The following CAMK1D variants were observed in gnomAD, a reference collection of about 807,000 sequenced individuals.
CAMK1D encodes calcium/calmodulin dependent protein kinase ID.
In CAMK1D, 9 loss-of-function variants were observed where a neutral mutation model predicts 47.7. That is an observed-to-expected ratio of 0.19 (90% CI 0.11 to 0.33). The LOEUF (loss-of-function observed/expected upper bound fraction) is 0.33. Ranked by LOEUF, CAMK1D falls within the 10% of genes least tolerant of loss-of-function variation. The probability of loss-of-function intolerance (pLI) is 1.00; values close to 1 mark genes in which losing one functional copy is unlikely to be tolerated. For synonymous variants in CAMK1D, 184 were observed against 184.9 expected (o/e 0.99, Z 0.04); for missense variants, 291 against 488.7 (o/e 0.60, Z 3.81).
rs546303992 is a variant in CAMK1D, at chr10:12,438,537, A to G, written c.92+88627A>G. Among the ~76,000 whole-genome samples the G allele has an allele frequency of 1.2e-4, 18 of 152,330 alleles. No individual in the cohort carries two copies. The East Asian group carries it at 3.5e-3, about 29-fold the overall frequency. On this transcript the variant is annotated intron_variant, in intron 1 of 10. Coordinates refer to ENST00000619168, the MANE Select transcript of CAMK1D (RefSeq NM_153498.4). ...AATTCCTGGACATATCTTTCTTTAA[A>G]AAAATTTTTTTGAGGTCACATTCTT... is the stretch of plus-strand genomic sequence containing the variant.
At chr10:12,474,800 A>C (rs1345131894) in intron 1 of CAMK1D, among the ~76,000 whole-genome samples, 1 of 151,448 alleles carries the variant, frequency 6.6e-6, no homozygotes, top group African/African-American at 2.4e-5. Context: ...CAAGGTGTCC[A>C]TGTGTTCTCA....
chr10:12,587,589 A>C (rs988237602), intron 2 of CAMK1D, among the ~76,000 whole-genome samples: 1 of 150,294 alleles, frequency 6.7e-6, no homozygotes, highest in African/African-American at 2.4e-5. Flanking sequence ...CTTCATATGC[A>C]GCCCGAGTTG....
At chr10:12,468,295 C>CA (rs1481918390) in intron 1 of CAMK1D, among the ~76,000 whole-genome samples, 1 of 152,216 alleles carries the variant, frequency 6.6e-6, no homozygotes, top group Non-Finnish European at 1.5e-5. Flanking sequence ...CGCCTGGGCT[C>CA]AAGCAATCTG....
At chr10:12,352,712 T>A (rs902899558) in intron 1 of CAMK1D, among the ~76,000 whole-genome samples, 22 of 151,518 alleles carry the variant, frequency 1.5e-4, no homozygotes, top group Non-Finnish European at 5.9e-5. Context: ...AGCTTTTGGA[T>A]TGTCGTCCTT....
At chr10:12,726,591 CGTT>C (rs1564519328) in intron 3 of CAMK1D, among the ~76,000 whole-genome samples, 1 of 152,132 alleles carries the variant, frequency 6.6e-6, no homozygotes, top group Non-Finnish European at 1.5e-5. Flanking sequence ...GACATGCCAT[CGTT>C]GTTATTAGTA....
intron 6 of CAMK1D, among the ~76,000 whole-genome samples, chr10:12,799,997 T>A (rs2131028520): frequency 6.6e-6 from 1 of 152,294 alleles, no homozygotes; most frequent in East Asian, 1.9e-4. Context: ...TTACTCCTTC[T>A]CAGTTTTCAA....
At chr10:12,749,562 G>GTTTTTTT (rs71982177) in intron 3 of CAMK1D, among the ~76,000 whole-genome samples, 2 of 108,692 alleles carry the variant, frequency 1.8e-5, no homozygotes, top group Non-Finnish European at 3.4e-5. Context: ...TTGTTTGTTT[G>GTTTTTTT]TTTGTTTGTT....
At chr10:12,677,474 C>T (rs536883890) in intron 3 of CAMK1D, among the ~76,000 whole-genome samples, 6 of 152,174 alleles carry the variant, frequency 3.9e-5, no homozygotes, top group Admixed American at 2.6e-4. Flanking sequence ...AATCGATGCT[C>T]CTCAGTAGTG....
intron 2 of CAMK1D, among the ~76,000 whole-genome samples, chr10:12,573,831 C>CTT (rs34038018): frequency 0.11 from 6,869 of 63,382 alleles, 1,050 homozygotes; most frequent in South Asian, 0.15. Context: ...ATTAAAAAAA[C>CTT]TTTTTTTTTT....
At chr10:12,520,821 C>T (rs867877932) in intron 1 of CAMK1D, among the ~76,000 whole-genome samples, 871 of 50,214 alleles carry the variant, frequency 0.017, 106 homozygotes, top group African/African-American at 0.065. Flanking sequence ...CGCAGGCACT[C>T]GGCAGGCTGA....
intron 5 of CAMK1D, among the ~76,000 whole-genome samples, chr10:12,774,247 TAAG>T (rs1588910990): frequency 6.6e-6 from 1 of 151,874 alleles, no homozygotes; most frequent in African/African-American, 2.4e-5. Context: ...GAAAAGATGA[TAAG>T]AAGTTTGTGT....
intron 2 of CAMK1D, among the ~76,000 whole-genome samples, chr10:12,611,684 C>T (rs896190399): frequency 4.7e-5 from 7 of 149,136 alleles, no homozygotes; most frequent in African/African-American, 4.9e-5. Flanking sequence ...CTCCCCCTCC[C>T]GGGTTCAAGC....
chr10:12,615,618 ATG>A (rs1184290784), intron 2 of CAMK1D, among the ~76,000 whole-genome samples: 1 of 148,582 alleles, frequency 6.7e-6, no homozygotes, highest in African/African-American at 2.5e-5. Context: ...ATGTATACGT[ATG>A]TGTAGTGTGA....
At chr10:12,550,674 C>T (rs143049380) in intron 1 of CAMK1D, among the ~76,000 whole-genome samples, 22 of 152,266 alleles carry the variant, frequency 1.4e-4, no homozygotes, top group African/African-American at 5.1e-4. Context: ...GAAGGTTTGG[C>T]TTCTGGCTTG....
At chr10:12,595,031 AG>A (rs1838101918) in intron 2 of CAMK1D, among the ~76,000 whole-genome samples, 1 of 152,160 alleles carries the variant, frequency 6.6e-6, no homozygotes, top group Non-Finnish European at 1.5e-5. Context: ...CTGAGGTTCC[AG>A]GCATGATCTT....
intron 1 of CAMK1D, among the ~76,000 whole-genome samples, chr10:12,493,847 C>A (rs1834460430): frequency 6.6e-6 from 1 of 152,150 alleles, no homozygotes; most frequent in Admixed American, 6.5e-5. Flanking sequence ...AAGTGGATTG[C>A]AGCTGAGCAG....
chr10:12,420,918 G>A (rs549880016), intron 1 of CAMK1D, among the ~76,000 whole-genome samples: 1 of 152,286 alleles, frequency 6.6e-6, no homozygotes, highest in Middle Eastern at 3.4e-3. Flanking sequence ...CTCCTGCCAC[G>A]TCTGTTCTGT....
At position 12,747,506 on chromosome 10, in the gene CAMK1D, G is replaced by C. The variant is rs555967624; in HGVS notation, c.300-13442G>C. 4.1e-4 allele frequency among the ~76,000 whole-genome samples: 63 copies of C among 152,042 alleles called. 1 individual carries two copies. Among genetic ancestry groups the C allele is most frequent in the African/African-American group, 1.4e-3 (60 of 41,478 alleles). On this transcript the variant is annotated intron_variant, in intron 3 of 10. Coordinates refer to ENST00000619168, the MANE Select transcript of CAMK1D (RefSeq NM_153498.4). ...ATTTTTTGAAGAGACAGGAGCGGAG[G>C]GGAGCAGGGGCTGGTCGTGCTATGT...
chr10:12,601,064 C>T (rs930110623), intron 2 of CAMK1D, among the ~76,000 whole-genome samples: 5 of 152,092 alleles, frequency 3.3e-5, no homozygotes, highest in Admixed American at 1.3e-4. Context: ...CCTATCTTTG[C>T]AATTGTGGGT....
Sources: allele counts gnomAD v4.1 joint callset (sites outside exome capture counted in the v4.1 genomes callset), GRCh38; gene constraint gnomAD v4.1.1; transcripts MANE v1.5; gene names NCBI Gene and HGNC (gene_info 2026-07-23, HGNC 2026-07-21).